Variants in HOXC4 observed in about 807,000 individuals in gnomAD.
HOXC4 encodes the protein homeobox C4, also known as homeobox protein Hox-C4.
Under a neutral mutation model 25.5 loss-of-function variants are expected in HOXC4, and 15 were observed. The ratio of observed to expected loss-of-function variants is 0.59; its 90% confidence interval spans 0.39 to 0.91. HOXC4 has a LOEUF of 0.91. Ranked by LOEUF, HOXC4 falls within the 40% of genes least tolerant of loss-of-function variation. HOXC4 has a pLI of 0.00. For synonymous variants in HOXC4, 165 were observed against 148.0 expected (o/e 1.11, Z -0.83); for missense variants, 342 against 352.4 (o/e 0.97, Z 0.24).
At chr12:54,049,588 G>A (rs1281095208), upstream of HOXC4, among the ~76,000 whole-genome samples, 1 of 150,718 alleles carries the variant, frequency 6.6e-6, no homozygotes, top group Non-Finnish European at 1.5e-5. Context: ...GAAGAAAAAA[G>A]GTTGAGTATT....
At chr12:54,034,652 T>G in intron 1 of HOXC4, 1 of 625,896 alleles carries the variant, frequency 1.6e-6, no homozygotes. Context: ...GCATTCCGCA[T>G]CCCTACCGAC....
chr12:54,032,406 G>A (rs1279069276), intron 1 of HOXC4, among the ~76,000 whole-genome samples: 1 of 152,218 alleles, frequency 6.6e-6, no homozygotes, highest in Non-Finnish European at 1.5e-5. Flanking sequence ...TGGAGCCTTA[G>A]GGCCTGAGAG....
intron 1 of HOXC4, chr12:54,028,815 C>G: frequency 1.2e-6 from 2 of 1,614,168 alleles, no homozygotes; most frequent in Non-Finnish European, 1.7e-6. Flanking sequence ...ACACACAGAC[C>G]TCAATCGCTC....
chr12:54,054,838 C>G lies in HOXC4; in HGVS notation c.440-12C>G, dbSNP rs764998278. ...CTCTGAACCCCACTATTTGCTTTTC[C>G]CCTCCCCCCAGTGAACCCCAATTAT... is the stretch of plus-strand genomic sequence containing the variant. On this transcript the variant is annotated splice_polypyrimidine_tract_variant and intron_variant, in intron 1 of 1. Transcript: ENST00000430889. 1.9e-6 allele frequency: 3 copies of G among 1,584,998 alleles called. No homozygotes were observed. The East Asian group carries it at 6.8e-5, about 36-fold the overall frequency.
chr12:54,021,253 G>A (rs1367242006), intron 1 of HOXC4: 1 of 152,246 alleles, frequency 6.6e-6, no homozygotes, highest in Non-Finnish European at 1.5e-5. Context: ...GGCAGATTGG[G>A]AGTTCTCTAA....
intron 1 of HOXC4, 22 bp downstream of exon 1, chr12:54,054,383 TCC>T (rs746634509): frequency 6.1e-6 from 9 of 1,468,060 alleles, no homozygotes; most frequent in Non-Finnish European, 7.3e-6. Flanking sequence ...TGCTTTTTGC[TCC>T]CCCCCTCCCT....
In HOXC4 at chr12:54,054,086, C is replaced by G. The variant is rs751093193; in HGVS notation, c.164C>G (p.Pro55Arg). The G allele has an allele frequency of 4.3e-6, 7 of 1,614,094 alleles. No homozygotes were observed. Among genetic ancestry groups the G allele is most frequent in the African/African-American group, 1.3e-5 (1 of 74,928 alleles). Residue 55 changes from proline to arginine, a missense_variant, in exon 1 of 2, where the codon CCA becomes CGA. Transcript: ENST00000430889. ...CATCACCACCAGGAGCTGTACCCAC[C>G]ACCGCCTCCGCGCCCTAGCTACCCT... is the stretch of plus-strand genomic sequence containing the variant. ...FQHHHQELYP[P>R]PPPRPSYPER... is the part of the protein sequence containing the mutation.
intron 1 of HOXC4, among the ~76,000 whole-genome samples, chr12:54,025,380 G>T (rs1479424440): frequency 2.6e-5 from 4 of 152,068 alleles, no homozygotes; most frequent in African/African-American, 4.8e-5. Context: ...ATGGGAAAAA[G>T]AAAATATAAT....
chr12:54,049,247 C>A (rs1937788745), upstream of HOXC4, among the ~76,000 whole-genome samples: 1 of 152,214 alleles, frequency 6.6e-6, no homozygotes. Flanking sequence ...GATCTAAAGG[C>A]CATTTGCGAA....
rs111518456 is a variant in HOXC4 at position 54,028,800 on chromosome 12, A to G, written c.-124+11386A>G. 322 of 1,614,152 alleles carry G rather than the reference A, an allele frequency of 2.0e-4. No homozygotes were observed. In the African/African-American group the frequency reaches 3.7e-3, roughly 18 times the overall value. ...CAAACTGCAGACAAAACACCTTAGG[A>G]CATAACACACAGACCTCAATCGCTC... is the stretch of plus-strand genomic sequence containing the variant. On this transcript the variant is annotated intron_variant, in intron 1 of 3. Coordinates refer to the HOXC4 transcript ENST00000303406.
intron 1 of HOXC4, among the ~76,000 whole-genome samples, chr12:54,039,426 C>T (rs370834906): frequency 1.2e-4 from 18 of 152,194 alleles, no homozygotes; most frequent in East Asian, 3.9e-4. Context: ...AGGGGTCTCT[C>T]ACTTGCATGA....
At chr12:54,054,467 T>C in intron 1 of HOXC4, 106 bp downstream of exon 1, 1 of 599,434 alleles carries the variant, frequency 1.7e-6, no homozygotes, top group East Asian at 3.3e-5. Context: ...TCCTTCCCCC[T>C]CTCTCTCCAG....
chr12:54,026,814 GTTT>G (rs1940722482), intron 1 of HOXC4, among the ~76,000 whole-genome samples: 1 of 152,092 alleles, frequency 6.6e-6, no homozygotes, highest in Admixed American at 6.5e-5. Context: ...GAATAAACGA[GTTT>G]TTTCTCAGCA....
chr12:54,024,196 G>T (rs558378436), intron 1 of HOXC4, among the ~76,000 whole-genome samples: 13 of 152,278 alleles, frequency 8.5e-5, no homozygotes, highest in Admixed American at 5.2e-4. Context: ...AAAGGGGCCA[G>T]CGGGGCAACC....
intron 1 of HOXC4, among the ~76,000 whole-genome samples, chr12:54,045,129 C>T (rs913630583): frequency 3.9e-5 from 6 of 152,224 alleles, no homozygotes; most frequent in African/African-American, 1.4e-4. Flanking sequence ...ACCCCAAACC[C>T]ACAAGCACTA....
At chr12:54,033,110 G>A (rs767430357) in intron 1 of HOXC4, 15 of 1,584,174 alleles carry the variant, frequency 9.5e-6, no homozygotes, top group South Asian at 5.7e-5. Context: ...AATTTTTTTG[G>A]GCCCTCCCCG....
At chr12:54,034,198 G>A in intron 1 of HOXC4, 1 of 1,332,416 alleles carries the variant, frequency 7.5e-7, no homozygotes, top group Non-Finnish European at 1.1e-6. Context: ...CCGCGGGTGG[G>A]GGCCTGGGCT....
At position 54,055,080 on chromosome 12, in the gene HOXC4, T is replaced by A. The variant is rs993518783; in HGVS notation, c.670T>A (p.Ser224Thr). ...CCGACTCCCCAACACCAAAGTCAGG[T>A]CAGCACCCCCGGCCGGCGCTGCGCC... ...DHRLPNTKVR[S>T]APPAGAAPST... Residue 224 changes from serine (S) to threonine (T), a missense_variant, in exon 2 of 2, where the codon TCA (serine) becomes ACA (threonine). Physicochemically the swap from Ser to Thr is moderately conservative, Grantham distance 58. Transcript: ENST00000430889. The A allele has an allele frequency of 6.2e-7, 1 of 1,613,046 alleles. No individual in the cohort carries two copies.
At position 54,034,421 on chromosome 12, in the gene HOXC4, A is replaced by G. The variant is rs747872907; in HGVS notation, c.-124+17007A>G. On this transcript the variant is annotated intron_variant, in intron 1 of 3. Transcript: ENST00000303406. Reference sequence around the variant, plus strand: ...CTTGTGTCTCAATGAGAGACAGATCAAGATCTGGTTCCAGAACCGCAGGAT... The same window carrying G: ...CTTGTGTCTCAATGAGAGACAGATCGAGATCTGGTTCCAGAACCGCAGGAT... The G allele has an allele frequency of 3.7e-6, 6 of 1,614,128 alleles. No homozygotes were observed. The South Asian group carries it at 4.4e-5, about 12-fold the overall frequency.
Sources: gnomAD v4.1 joint callset for allele counts (sites outside exome capture counted in the v4.1 genomes callset) on GRCh38, gnomAD v4.1.1 for gene constraint, MANE v1.5 for transcripts, NCBI Gene and HGNC (gene_info 2026-07-23, HGNC 2026-07-21) for gene names.